Variants in SARAF observed in about 807,000 individuals in gnomAD.
SARAF encodes the protein store-operated calcium entry associated regulatory factor, also known as store-operated calcium entry-associated regulatory factor.
A neutral mutation model predicts 39.7 loss-of-function variants in SARAF; 23 were observed. The ratio of observed to expected loss-of-function variants is 0.58; its 90% CI spans 0.42 to 0.82. SARAF has a LOEUF of 0.82. Ranked by LOEUF, SARAF falls within the 40% of genes least tolerant of loss-of-function variation. The pLI, the probability that SARAF is intolerant of heterozygous loss-of-function variation, is 0.00. For synonymous variants in SARAF, 175 were observed against 168.5 expected (o/e 1.04, Z -0.30); for missense variants, 384 against 418.5 (o/e 0.92, Z 0.72).
intron 1 of SARAF, among the ~76,000 whole-genome samples, chr8:30,075,403 G>C (rs1801935734): frequency 6.6e-6 from 1 of 152,110 alleles, no homozygotes; most frequent in Admixed American, 6.5e-5. Context: ...CTGTGGATTG[G>C]CTCAGTCAAC....
At chr8:30,069,134 A>ATTTTTTTTTTTTT (rs36096551) in intron 3 of SARAF, among the ~76,000 whole-genome samples, 1 of 97,830 alleles carries the variant, frequency 1.0e-5, no homozygotes, top group Non-Finnish European at 1.8e-5. Context: ...TTAATCAGGC[A>ATTTTTTTTTTTTT]TTTTTTTTTT....
At chr8:30,065,803 C>T (rs1801670050) in intron 5 of SARAF, 185 bp downstream of exon 5, 2 of 692,094 alleles carry the variant, frequency 2.9e-6, no homozygotes, top group Admixed American at 2.3e-5. Flanking sequence ...AAGCCTAAAT[C>T]AAATCCCTGT....
chr8:30,073,672 T>C (rs766646209), intron 2 of SARAF: 4 of 477,496 alleles, frequency 8.4e-6, no homozygotes, highest in Non-Finnish European at 1.1e-5. Context: ...ATACAAAAAC[T>C]AAAATGAGTA....
rs1270490686 is a variant in SARAF at position 30,082,921 on chromosome 8, G to A, written c.29C>T (p.Ala10Val). The A allele has an allele frequency of 6.5e-7, 1 of 1,550,378 alleles. No individual in the cohort carries two copies. Among genetic ancestry groups the A allele is most frequent in the East Asian group, 2.5e-5 (1 of 40,542 alleles). Residue 10 changes from alanine (A) to valine (V), a missense_variant, in exon 1 of 6, where the codon GCC becomes GTC. Coordinates refer to ENST00000256255, the MANE Select transcript of SARAF (RefSeq NM_016127.6). MAAACGPGA[A>V]GYCLLLGLHL... is the part of the protein sequence containing the mutation. ...CAAGCCGAGGAGCAAGCAGTACCCG[G>A]CCGCTCCCGGCCCGCAGGCTGCGGC... is the stretch of plus-strand genomic sequence containing the variant.
In SARAF at chr8:30,082,911, G is replaced by GCAGTACC. The variant is rs1802142219; in HGVS notation, c.32_38dup (p.Cys13TrpfsTer25). The GCAGTACC allele has an allele frequency of 6.4e-7, 1 of 1,556,394 alleles. No homozygotes were observed. The highest frequency in any genetic ancestry group is 1.4e-5 in the African/African-American group (1 of 72,528). Reference sequence around the variant, plus strand: ...GAAACAAATGCAAGCCGAGGAGCAAGCAGTACCCGGCCGCTCCCGGCCCGC... The same window carrying GCAGTACC: ...GAAACAAATGCAAGCCGAGGAGCAAGCAGTACCCAGTACCCGGCCGCTCCCGGCCCGC... On this transcript the variant is annotated frameshift_variant, in exon 1 of 6. Coordinates refer to ENST00000256255, the MANE Select transcript of SARAF (RefSeq NM_016127.6). LOFTEE classifies it high-confidence loss of function.
chr8:30,070,189 C>G, intron 2 of SARAF, 130 bp from the exon 3 acceptor site: 1 of 784,840 alleles, frequency 1.3e-6, no homozygotes, highest in Non-Finnish European at 2.0e-6. Context: ...GCGGGTGGAT[C>G]ACGCGGTCAG....
At chr8:30,066,691 C>T (rs1429138897) in intron 4 of SARAF, 86 bp downstream of exon 4, 4 of 1,519,588 alleles carry the variant, frequency 2.6e-6, no homozygotes, top group South Asian at 1.2e-5. Context: ...AATTTATTTT[C>T]CTTAGCAAAA....
chr8:30,083,021 C>T lies in SARAF; in HGVS notation c.-72G>A. The T allele has an allele frequency of 4.3e-6, 5 of 1,167,620 alleles. No homozygotes were observed. The highest frequency in any genetic ancestry group is 3.6e-6 in the Non-Finnish European group (3 of 835,000). 72.3% of individuals were successfully genotyped at this position (1,167,620 alleles called of 1,614,324 possible). ...AACCTGGGTGCGGTAGCGCGCGCGACGCTGCGCAGCTACACCGCTACCCCT... is the reference window on the plus strand; with the variant it reads ...AACCTGGGTGCGGTAGCGCGCGCGATGCTGCGCAGCTACACCGCTACCCCT... On this transcript the variant is annotated 5_prime_UTR_variant, in exon 1 of 6. Transcript: ENST00000256255.
intron 3 of SARAF, among the ~76,000 whole-genome samples, chr8:30,068,562 A>G (rs1462443574): frequency 1.0e-5 from 1 of 95,358 alleles, no homozygotes; most frequent in Non-Finnish European, 2.1e-5. Context: ...TTCTCTCCCC[A>G]CCCCACCCCA....
chr8:30,073,728 T>C, intron 2 of SARAF, 149 bp downstream of exon 2: 1 of 602,720 alleles, frequency 1.7e-6, no homozygotes, highest in Non-Finnish European at 2.8e-6. Context: ...GGCCATTTCT[T>C]CCACAGGAAG....
chr8:30,075,174 C>T (rs1340889170), intron 1 of SARAF, among the ~76,000 whole-genome samples: 4 of 152,014 alleles, frequency 2.6e-5, no homozygotes, highest in Admixed American at 6.6e-5. Context: ...GTGGCACATG[C>T]CTGTAATCCC....
intron 1 of SARAF, among the ~76,000 whole-genome samples, chr8:30,074,493 G>C (rs769908614): frequency 6.6e-6 from 1 of 152,172 alleles, no homozygotes; most frequent in Non-Finnish European, 1.5e-5. Context: ...TTACATAGCA[G>C]TTAAAATGAG....
chr8:30,074,040 C>T lies in SARAF; in HGVS notation c.119G>A (p.Arg40Gln), dbSNP rs200475229. ...GTGGAGGGTAAGAGCTTTTACATCC[C>T]GCAGCAACATTCTGTCTGAAACAGC... ...GWNDPDRMLLRDVKALTLHYD... is the reference protein window; with the variant it reads ...GWNDPDRMLLQDVKALTLHYD... The change falls in exon 2 of 6, where the codon CGG becomes CAG. Residue 40 changes from arginine to glutamine, a missense_variant. Physicochemically the swap from Arg to Gln is conservative, Grantham distance 43. Coordinates refer to ENST00000256255, the MANE Select transcript of SARAF (RefSeq NM_016127.6). 8 of 1,613,184 alleles carry T rather than the reference C, an allele frequency of 5.0e-6. No homozygotes were observed. Among genetic ancestry groups the T allele is most frequent in the Admixed American group, 3.3e-5 (2 of 59,906 alleles).
chr8:30,082,739 G>A lies in SARAF; in HGVS notation c.103+108C>T, dbSNP rs1336916213. 5 of 805,646 alleles carry A rather than the reference G, an allele frequency of 6.2e-6. No homozygotes were observed. The East Asian group carries it at 1.6e-4, about 26-fold the overall frequency. The allele number at this position is 805,646 out of a possible 1,614,324, so 49.9% of individuals were successfully genotyped here. On this transcript the variant is annotated intron_variant, in intron 1 of 5. Transcript: ENST00000256255. The stretch of plus-strand genomic sequence containing the variant: ...AAGAGGTCAGACATGGGGAATCCGG[G>A]CACCCAGGCTCCGGGAAGACGGCGC...
intron 1 of SARAF, chr8:30,082,139 C>T (rs1011406699): frequency 1.3e-5 from 2 of 152,048 alleles, no homozygotes; most frequent in African/African-American, 4.8e-5. Context: ...GAGGTCGAGA[C>T]CAGCCTGGCC....
At position 30,069,805 on chromosome 8, in the gene SARAF, A is replaced by G. The variant is rs6468094; in HGVS notation, c.537T>C (p.Ile179=). Residue 179 remains isoleucine, a synonymous_variant, in exon 3 of 6, where the codon ATT becomes ATC. Transcript: ENST00000256255. ...CAAACGCGATCCCAAGGAGTACCAC[A>G]ATGGTAATCAATCCACTCATGTTAC... ...DSCNMSGLIT[I]VVLLGIAFVV... is the part of the protein sequence containing the mutation. The G allele has an allele frequency of 1, 1,607,708 of 1,614,156 alleles. 800,861 individuals carry two copies. The highest frequency in any genetic ancestry group is 1 in the East Asian group (44,863 of 44,864).
intron 1 of SARAF, among the ~76,000 whole-genome samples, chr8:30,078,593 C>G (rs988341163): frequency 6.6e-6 from 1 of 152,178 alleles, no homozygotes; most frequent in Non-Finnish European, 1.5e-5. Context: ...TGCCAACCAT[C>G]GCTTTGCTAA....
chr8:30,080,779 G>A (rs920569559), intron 1 of SARAF, among the ~76,000 whole-genome samples: 2 of 152,140 alleles, frequency 1.3e-5, no homozygotes, highest in East Asian at 3.9e-4. Flanking sequence ...GATAAATTAG[G>A]GAGCCGATTA....
chr8:30,074,162 G>A (rs1801906810), intron 1 of SARAF, 107 bp from the exon 2 acceptor site: 3 of 1,246,184 alleles, frequency 2.4e-6, no homozygotes, highest in Non-Finnish European at 3.3e-6. Context: ...CTTGCCTTCT[G>A]AGGATGGCTA....
Sources: allele counts gnomAD v4.1 joint callset (sites outside exome capture counted in the v4.1 genomes callset), GRCh38; gene constraint gnomAD v4.1.1; transcripts MANE v1.5; gene names NCBI Gene and HGNC (gene_info 2026-07-23, HGNC 2026-07-21).